Variants in ENOX1 observed in about 807,000 individuals in gnomAD.
ENOX1 encodes the protein candidate growth-related and time keeping constitutive hydroquinone (NADH) oxidase.
ENOX1 carries 42 observed loss-of-function variants against 82.5 expected under a neutral mutation model. The ratio of observed to expected loss-of-function variants is 0.51; its 90% CI spans 0.40 to 0.66. The LOEUF (loss-of-function observed/expected upper bound fraction) is 0.66, where lower values mean the gene tolerates loss of function less well. Among genes scored for constraint, ENOX1 ranks in the 30% least tolerant of loss-of-function variants. ENOX1 has a pLI of 0.00. For missense variants in ENOX1, 608 were observed against 811.6 expected (o/e 0.75, Z 3.05); for synonymous variants, 271 against 282.2 (o/e 0.96, Z 0.40).
chr13:43,712,288 T>C (rs1393805860), intron 1 of ENOX1, among the ~76,000 whole-genome samples: 1 of 150,104 alleles, frequency 6.7e-6, no homozygotes, highest in Non-Finnish European at 1.5e-5. Context: ...TATATCTCTG[T>C]TTTGGTACCA....
intron 2 of ENOX1, among the ~76,000 whole-genome samples, chr13:43,615,327 G>A (rs1017319113): frequency 2.0e-5 from 3 of 151,976 alleles, no homozygotes; most frequent in African/African-American, 7.3e-5. Flanking sequence ...GAGCAATAAC[G>A]CCCCCCAAAA....
At chr13:43,591,181 G>A (rs1438662497) in intron 2 of ENOX1, among the ~76,000 whole-genome samples, 4 of 152,072 alleles carry the variant, frequency 2.6e-5, no homozygotes, top group Non-Finnish European at 5.9e-5. Context: ...GATATATAAG[G>A]TCTTAGCAGC....
intron 1 of ENOX1, among the ~76,000 whole-genome samples, chr13:43,715,101 G>T (rs2088020409): frequency 6.6e-6 from 1 of 152,058 alleles, no homozygotes; most frequent in Non-Finnish European, 1.5e-5. Flanking sequence ...TTTAGGGCAG[G>T]CCTGGTGGTG....
intron 9 of ENOX1, among the ~76,000 whole-genome samples, chr13:43,343,167 G>GTTTTAC (rs1566559188): frequency 6.6e-6 from 1 of 152,146 alleles, no homozygotes; most frequent in Non-Finnish European, 1.5e-5. Context: ...TATTAGAATT[G>GTTTTAC]TTTTACTATG....
chr13:43,448,751 T>C (rs1452957402), intron 3 of ENOX1, among the ~76,000 whole-genome samples: 2 of 152,186 alleles, frequency 1.3e-5, no homozygotes, highest in Non-Finnish European at 2.9e-5. Context: ...CTTTGGGTAA[T>C]TCATGCATCA....
chr13:43,553,495 A>G (rs1371691105), intron 2 of ENOX1, among the ~76,000 whole-genome samples: 1 of 152,176 alleles, frequency 6.6e-6, no homozygotes, highest in Non-Finnish European at 1.5e-5. Flanking sequence ...TCACTTAAAT[A>G]TATCTGCCTT....
At chr13:43,745,604 T>A (rs1949981504) in intron 1 of ENOX1, among the ~76,000 whole-genome samples, 1 of 152,278 alleles carries the variant, frequency 6.6e-6, no homozygotes, top group Non-Finnish European at 1.5e-5. Context: ...AAAATATCCA[T>A]CTATAGATAA....
chr13:43,525,948 T>C (rs1250083904), intron 2 of ENOX1, among the ~76,000 whole-genome samples: 1 of 152,138 alleles, frequency 6.6e-6, no homozygotes, highest in East Asian at 1.9e-4. Flanking sequence ...ATAATTTATA[T>C]TCTTCATTTT....
At chr13:43,552,943 GCTCCTTCCTA>G (rs1350116962) in intron 2 of ENOX1, among the ~76,000 whole-genome samples, 2 of 152,128 alleles carry the variant, frequency 1.3e-5, no homozygotes, top group African/African-American at 4.8e-5. Context: ...TAAGGATATT[GCTCCTTCCTA>G]ATAGAAGTAG....
chr13:43,730,005 T>A (rs1484278834), intron 1 of ENOX1, among the ~76,000 whole-genome samples: 1 of 152,130 alleles, frequency 6.6e-6, no homozygotes, highest in Non-Finnish European at 1.5e-5. Flanking sequence ...ATCCCTCCCC[T>A]CTCTCCAGAG....
At chr13:43,720,053 G>C (rs908756896) in intron 1 of ENOX1, among the ~76,000 whole-genome samples, 9 of 152,080 alleles carry the variant, frequency 5.9e-5, no homozygotes, top group Admixed American at 5.9e-4. Context: ...ATAAGACAGA[G>C]AACAGTGTTT....
At chr13:43,669,386 A>G (rs1566739950) in intron 1 of ENOX1, among the ~76,000 whole-genome samples, 1 of 151,780 alleles carries the variant, frequency 6.6e-6, no homozygotes, top group East Asian at 1.9e-4. Flanking sequence ...TATTCTTGTG[A>G]TTTCTCTGAC....
chr13:43,672,859 G>T (rs2085332551), intron 1 of ENOX1, among the ~76,000 whole-genome samples: 2 of 152,174 alleles, frequency 1.3e-5, no homozygotes, highest in African/African-American at 4.8e-5. Context: ...AAAAATAGTT[G>T]CATTTGCCAT....
intron 14 of ENOX1, among the ~76,000 whole-genome samples, chr13:43,241,141 A>C (rs1186913346): frequency 6.6e-6 from 1 of 152,184 alleles, no homozygotes; most frequent in African/African-American, 2.4e-5. Context: ...TAAATTACAC[A>C]TGGTTTTGCT....
At chr13:43,552,911 G>A (rs1259061714) in intron 2 of ENOX1, among the ~76,000 whole-genome samples, 1 of 152,190 alleles carries the variant, frequency 6.6e-6, no homozygotes, top group African/African-American at 2.4e-5. Flanking sequence ...ACTGGTCACA[G>A]ATATCTTATT....
intron 2 of ENOX1, among the ~76,000 whole-genome samples, chr13:43,586,607 C>A (rs2080997058): frequency 6.6e-6 from 1 of 152,206 alleles, no homozygotes; most frequent in Non-Finnish European, 1.5e-5. Flanking sequence ...GGCAAGACTT[C>A]CTTTCTCATA....
chr13:43,483,459 TACAC>T (rs1002338499), intron 3 of ENOX1, among the ~76,000 whole-genome samples: 5 of 150,794 alleles, frequency 3.3e-5, no homozygotes, highest in African/African-American at 1.2e-4. Flanking sequence ...TTAATACACA[TACAC>T]ACACACACAC....
intron 1 of ENOX1, among the ~76,000 whole-genome samples, chr13:43,709,071 T>C (rs1000705877): frequency 6.6e-5 from 10 of 152,148 alleles, no homozygotes; most frequent in Admixed American, 5.2e-4. Flanking sequence ...ATATACAAAA[T>C]ATAATTTTTA....
At chr13:43,443,855 T>C (rs924490188) in intron 3 of ENOX1, among the ~76,000 whole-genome samples, 4 of 152,172 alleles carry the variant, frequency 2.6e-5, no homozygotes, top group Non-Finnish European at 5.9e-5. Context: ...GCCAAGTTTT[T>C]CAGATTTGAC....
Sources: gnomAD v4.1 joint callset for allele counts (sites outside exome capture counted in the v4.1 genomes callset) on GRCh38, gnomAD v4.1.1 for gene constraint, MANE v1.5 for transcripts, NCBI Gene and HGNC (gene_info 2026-07-23, HGNC 2026-07-21) for gene names.